MCC: variants seen among roughly 807,000 people sequenced by gnomAD.
The protein encoded by MCC is MCC regulator of Wnt signaling pathway, also known as colorectal mutant cancer protein.
A neutral mutation model predicts 116.2 loss-of-function variants in MCC; 90 were observed. That is an observed-to-expected ratio of 0.77 (90% CI 0.65 to 0.92). The LOEUF (loss-of-function observed/expected upper bound fraction) is 0.92. Among genes scored for constraint, MCC ranks in the 40% least tolerant of loss-of-function variants. The pLI is 0.00. For missense variants in MCC, 1,516 were observed against 1,312.2 expected (o/e 1.16, Z -2.40); for synonymous variants, 578 against 510.5 (o/e 1.13, Z -1.78).
rs1168175612 is a variant in MCC, at chr5:113,024,957, G to A, written c.*2345C>T. ...TCACATTTGAAAGTACTAAAACTAA[G>A]GTCAGGTAGCATGAGTAAAACTGGG... On this transcript the variant is annotated 3_prime_UTR_variant, in exon 19 of 19. Coordinates refer to ENST00000408903, the MANE Select transcript of MCC (RefSeq NM_001085377.2). 6.6e-6 allele frequency: 1 copy of A among 152,102 alleles called. No homozygotes were observed. The highest frequency in any genetic ancestry group is 6.5e-5 in the Admixed American group (1 of 15,278). The allele number at this position is 152,102 out of a possible 1,614,324, so 9.4% of individuals were successfully genotyped here.
rs540798948 is a variant in MCC, at chr5:113,408,166, T to G, written c.171-22954A>C. ...AGGTTCCTCATCTCACTTCAAACAC[T>G]TTAATTAGTTGGTTTCTCAAAGTAC... On this transcript the variant is annotated intron_variant, in intron 1 of 18. Coordinates refer to ENST00000408903, the MANE Select transcript of MCC (RefSeq NM_001085377.2). 2.6e-4 allele frequency among the ~76,000 whole-genome samples: 40 copies of G among 152,284 alleles called. No individual in the cohort carries two copies. In the East Asian group the frequency reaches 7.5e-3, roughly 29 times the overall value.
intron 3 of MCC, among the ~76,000 whole-genome samples, chr5:113,219,775 A>G (rs1466248910): frequency 6.6e-6 from 1 of 152,170 alleles, no homozygotes; most frequent in Non-Finnish European, 1.5e-5. Context: ...CAAGGTTTAG[A>G]GGAGTGCTAT....
intron 3 of MCC, among the ~76,000 whole-genome samples, chr5:113,181,313 T>C (rs1244905722): frequency 6.6e-6 from 1 of 152,184 alleles, no homozygotes; most frequent in Non-Finnish European, 1.5e-5. Flanking sequence ...AGCCTTGAAA[T>C]GTACTGATTA....
intron 8 of MCC, among the ~76,000 whole-genome samples, chr5:113,085,744 T>G (rs1474989372): frequency 6.6e-6 from 1 of 152,192 alleles, no homozygotes; most frequent in African/African-American, 2.4e-5. Flanking sequence ...CAGGCTGGAA[T>G]GCAGTGGTGC....
chr5:113,235,610 CT>C (rs1264716964), intron 3 of MCC, among the ~76,000 whole-genome samples: 1 of 152,206 alleles, frequency 6.6e-6, no homozygotes, highest in East Asian at 1.9e-4. Flanking sequence ...GGGCACAGTG[CT>C]TCGCAACTCT....
chr5:113,394,097 T>G (rs1769466933), intron 1 of MCC, among the ~76,000 whole-genome samples: 1 of 152,194 alleles, frequency 6.6e-6, no homozygotes, highest in Non-Finnish European at 1.5e-5. Context: ...AGTCCTGTGC[T>G]TAATTCATCA....
At chr5:113,280,735 G>A (rs1200502319) in intron 3 of MCC, among the ~76,000 whole-genome samples, 1 of 152,172 alleles carries the variant, frequency 6.6e-6, no homozygotes, top group Admixed American at 6.5e-5. Context: ...ACTACAAGAA[G>A]ATTTTGTATT....
At chr5:113,481,066 T>A (rs2150435830) in intron 1 of MCC, among the ~76,000 whole-genome samples, 1 of 152,298 alleles carries the variant, frequency 6.6e-6, no homozygotes, top group African/African-American at 2.4e-5. Context: ...CGTGAGCCAT[T>A]GCAGCTGGCC....
rs1381633592 is a variant in MCC at position 113,449,326 on chromosome 5, G to C, written c.170+38919C>G. 2.6e-5 allele frequency among the ~76,000 whole-genome samples: 4 copies of C among 152,222 alleles called. No individual in the cohort carries two copies. In the East Asian group the frequency reaches 7.7e-4, roughly 29 times the overall value. On this transcript the variant is annotated intron_variant, in intron 1 of 18. Coordinates refer to ENST00000408903, the MANE Select transcript of MCC (RefSeq NM_001085377.2). ...AAGGTTGAAGAATGTTCTGAAAAAG[G>C]TCTTCCTGTATATATGAAAAGCAGA...
In MCC at chr5:113,053,006, C is replaced by G. The variant is rs114731503; in HGVS notation, c.2448+719G>C. Among the ~76,000 whole-genome samples the G allele has an allele frequency of 5.6e-3, 850 of 152,304 alleles. 6 individuals are homozygous for G. Among genetic ancestry groups the G allele is most frequent in the African/African-American group, 0.019 (810 of 41,558 alleles). On this transcript the variant is annotated intron_variant, in intron 15 of 18. Coordinates refer to ENST00000408903, the MANE Select transcript of MCC (RefSeq NM_001085377.2). ...ATGGTCTTATTTATACCACAGCTGC[C>G]TTGTAAGAGCAGGTACCAGGTGAAG...
intron 11 of MCC, among the ~76,000 whole-genome samples, chr5:113,074,537 T>A (rs1311695258): frequency 6.6e-6 from 1 of 151,082 alleles, no homozygotes; most frequent in African/African-American, 2.4e-5. Context: ...GAGAATGACT[T>A]TGATGAGTTG....
At chr5:113,432,320 C>CAAAA (rs66577040) in intron 1 of MCC, among the ~76,000 whole-genome samples, 404 of 68,424 alleles carry the variant, frequency 5.9e-3, no homozygotes, top group Non-Finnish European at 7.7e-3. Context: ...GACTCTGTCT[C>CAAAA]AAAAAAAAAA....
Position 113,027,352 on chromosome 5 carries a change from G to C in MCC, c.3010C>G (p.Leu1004Val). 1 of 1,614,168 alleles carries C rather than the reference G, an allele frequency of 6.2e-7. No homozygotes were observed. Among genetic ancestry groups the C allele is most frequent in the Non-Finnish European group, 8.5e-7 (1 of 1,180,008 alleles). ...QVRMLKQRIA[L>V]LEEENSRPHT... Reference sequence around the variant, plus strand: ...GGCCTGGAGTTCTCCTCCTCTAGCAGAGCTATTCTTTGCTTGAGCATCCTC... The same window carrying C: ...GGCCTGGAGTTCTCCTCCTCTAGCACAGCTATTCTTTGCTTGAGCATCCTC... Residue 1004 changes from leucine to valine, a missense_variant, in exon 19 of 19, where the codon CTG (leucine) becomes GTG (valine). By Grantham distance (32) the Leu-to-Val change is conservative (BLOSUM62 1). Coordinates refer to ENST00000408903, the MANE Select transcript of MCC (RefSeq NM_001085377.2).
At chr5:113,220,101 C>G (rs13181227) in intron 3 of MCC, among the ~76,000 whole-genome samples, 579 of 47,064 alleles carry the variant, frequency 0.012, 73 homozygotes, top group African/African-American at 0.017. Context: ...TCTGTCACCC[C>G]GGCTGGAGTG....
intron 4 of MCC, among the ~76,000 whole-genome samples, chr5:113,148,881 G>A (rs1370215281): frequency 1.3e-5 from 2 of 152,016 alleles, no homozygotes; most frequent in African/African-American, 4.8e-5. Context: ...ATCATCAAGG[G>A]TAAAATCAGT....
rs537636542 is a variant in MCC at position 113,250,387 on chromosome 5, T to C, written c.627+90132A>G. Among the ~76,000 whole-genome samples the C allele has an allele frequency of 3.9e-5, 6 of 152,254 alleles. No homozygotes were observed. In the South Asian group the frequency reaches 1.2e-3, roughly 32 times the overall value. On this transcript the variant is annotated intron_variant, in intron 3 of 18. Coordinates refer to ENST00000408903, the MANE Select transcript of MCC (RefSeq NM_001085377.2). Reference sequence around the variant, plus strand: ...CAGTTTACACAAGAAGAAAAGGAGATGTAGGAAAAACTTGCTCAAAGGTCA... The same window carrying C: ...CAGTTTACACAAGAAGAAAAGGAGACGTAGGAAAAACTTGCTCAAAGGTCA...
intron 3 of MCC, among the ~76,000 whole-genome samples, chr5:113,166,447 A>C (rs1202455205): frequency 6.6e-6 from 1 of 152,198 alleles, no homozygotes; most frequent in Non-Finnish European, 1.5e-5. Flanking sequence ...ATCCAGATGG[A>C]GTGTCCTAAG....
At chr5:113,285,227 C>T (rs541867309) in intron 3 of MCC, among the ~76,000 whole-genome samples, 8 of 152,144 alleles carry the variant, frequency 5.3e-5, no homozygotes, top group Non-Finnish European at 8.8e-5. Flanking sequence ...AGGCATCTGA[C>T]GATGGATCAC....
At chr5:113,478,964 G>C (rs866905431) in intron 1 of MCC, among the ~76,000 whole-genome samples, 163 of 152,178 alleles carry the variant, frequency 1.1e-3, no homozygotes, top group African/African-American at 3.9e-3. Flanking sequence ...CGTGTTAGCT[G>C]TATCTTATCT....
Sources: allele counts gnomAD v4.1 joint callset (sites outside exome capture counted in the v4.1 genomes callset), GRCh38; gene constraint gnomAD v4.1.1; transcripts MANE v1.5; gene names NCBI Gene and HGNC (gene_info 2026-07-23, HGNC 2026-07-21).